SLC9A9: variants seen among roughly 807,000 people sequenced by gnomAD.
The protein encoded by SLC9A9 is sodium/hydrogen exchanger 9.
In SLC9A9, 62 loss-of-function variants were observed where a neutral mutation model predicts 77.8. That is an observed-to-expected ratio of 0.80 (90% confidence interval 0.65 to 0.98). SLC9A9 has a LOEUF of 0.98. Ranked by LOEUF, SLC9A9 falls within the 50% of genes least tolerant of loss-of-function variation. The pLI is 0.00. For synonymous variants in SLC9A9, 320 were observed against 283.5 expected (o/e 1.13, Z -1.29); for missense variants, 775 against 774.9 (o/e 1.00, Z 0.00).
Position 143,675,506 on chromosome 3 carries a change from G to A in SLC9A9, c.649+17686C>T, listed in dbSNP as rs142408960. 3.7e-4 allele frequency among the ~76,000 whole-genome samples: 56 copies of A among 152,278 alleles called. 1 individual carries two copies. Among genetic ancestry groups the A allele is most frequent in the African/African-American group, 1.3e-3 (56 of 41,548 alleles). On this transcript the variant is annotated intron_variant, in intron 5 of 15. Transcript: ENST00000316549. ...TAGTCTCCTTATGAAAGCCAACAACGAGGGCTCAGGGCTTCATCAAGCACT... is the reference window on the plus strand; with the variant it reads ...TAGTCTCCTTATGAAAGCCAACAACAAGGGCTCAGGGCTTCATCAAGCACT...
intron 11 of SLC9A9, among the ~76,000 whole-genome samples, chr3:143,482,380 T>C (rs1248393581): frequency 6.6e-6 from 1 of 152,222 alleles, no homozygotes; most frequent in African/African-American, 2.4e-5. Flanking sequence ...TAAATCCATG[T>C]ACTGTGGTGA....
chr3:143,341,429 C>T (rs1043231057), intron 14 of SLC9A9, among the ~76,000 whole-genome samples: 16 of 152,080 alleles, frequency 1.1e-4, no homozygotes, highest in African/African-American at 3.4e-4. Flanking sequence ...AGGTCATAGT[C>T]ATACAATGTA....
chr3:143,327,338 C>CCT (rs1421568689), intron 14 of SLC9A9, among the ~76,000 whole-genome samples: 1 of 152,130 alleles, frequency 6.6e-6, no homozygotes, highest in Non-Finnish European at 1.5e-5. Context: ...AAGGAACTTT[C>CCT]CTCTTAAATA....
At chr3:143,315,695 C>T (rs2031187183) in intron 14 of SLC9A9, among the ~76,000 whole-genome samples, 1 of 152,228 alleles carries the variant, frequency 6.6e-6, no homozygotes, top group South Asian at 2.1e-4. Flanking sequence ...ATGATACTCA[C>T]TCAGAGGCTG....
intron 14 of SLC9A9, among the ~76,000 whole-genome samples, chr3:143,299,206 A>C (rs571549817): frequency 5.4e-4 from 82 of 152,258 alleles, no homozygotes; most frequent in African/African-American, 1.8e-3. Flanking sequence ...AGAACATTAC[A>C]GCTCTTTCCT....
intron 4 of SLC9A9, among the ~76,000 whole-genome samples, chr3:143,729,504 C>T (rs1934748123): frequency 6.6e-6 from 1 of 152,158 alleles, no homozygotes; most frequent in Non-Finnish European, 1.5e-5. Flanking sequence ...CTGGGCCAGG[C>T]CTCCATGATA....
intron 12 of SLC9A9, among the ~76,000 whole-genome samples, chr3:143,452,790 AG>A (rs2035031126): frequency 6.6e-6 from 1 of 151,950 alleles, no homozygotes; most frequent in African/African-American, 2.4e-5. Flanking sequence ...CCTTATTTCT[AG>A]GTGCAATAAT....
At chr3:143,844,085 A>T (rs2009771447) in intron 1 of SLC9A9, among the ~76,000 whole-genome samples, 1 of 152,124 alleles carries the variant, frequency 6.6e-6, no homozygotes, top group Non-Finnish European at 1.5e-5. Flanking sequence ...TATATAATGG[A>T]TTATTTATAC....
chr3:143,456,016 C>T (rs1346368835), intron 12 of SLC9A9, among the ~76,000 whole-genome samples: 2 of 151,796 alleles, frequency 1.3e-5, no homozygotes, highest in Non-Finnish European at 2.9e-5. Flanking sequence ...TTTGGCTTTT[C>T]ACTATTAAAT....
At chr3:143,321,512 C>T (rs1167412156) in intron 14 of SLC9A9, among the ~76,000 whole-genome samples, 3 of 152,230 alleles carry the variant, frequency 2.0e-5, no homozygotes, top group Admixed American at 2.0e-4. Flanking sequence ...CCCATGAATA[C>T]TACCAGCTCT....
rs1578248014 is a variant in SLC9A9 at position 143,266,443 on chromosome 3, A to C, written c.*259T>G. ...ATCCTCCAGCAGCTAGACTCCTGATACCTCCATCCCCACCCCAGCCAATCC... is the reference window on the plus strand; with the variant it reads ...ATCCTCCAGCAGCTAGACTCCTGATCCCTCCATCCCCACCCCAGCCAATCC... On this transcript the variant is annotated 3_prime_UTR_variant, in exon 16 of 16. Coordinates refer to ENST00000316549, the MANE Select transcript of SLC9A9 (RefSeq NM_173653.4). 1 of 560,586 alleles carries C rather than the reference A, an allele frequency of 1.8e-6. No individual in the cohort carries two copies. The allele number at this position is 560,586 out of a possible 1,614,324, so 34.7% of individuals were successfully genotyped here. A position where few individuals can be genotyped will look rare whatever the true frequency, so the allele number is the denominator to read the frequency against.
At chr3:143,475,381 G>T (rs1005829295) in intron 11 of SLC9A9, among the ~76,000 whole-genome samples, 9 of 152,146 alleles carry the variant, frequency 5.9e-5, no homozygotes, top group African/African-American at 2.2e-4. Flanking sequence ...CCTCTGGTTT[G>T]CTGCCTCTGC....
chr3:143,363,668 C>T (rs2032818416), intron 13 of SLC9A9, 105 bp from the exon 14 acceptor site: 3 of 1,064,906 alleles, frequency 2.8e-6, no homozygotes, highest in Admixed American at 2.2e-5. Context: ...TAAAAAAAAC[C>T]TTTCTAAGTA....
chr3:143,620,568 A>C (rs566829810), intron 6 of SLC9A9: 1 of 152,386 alleles, frequency 6.6e-6, no homozygotes, highest in South Asian at 2.1e-4. Context: ...CAGACTCAGC[A>C]AGAACTCAGA....
At chr3:143,348,241 C>T (rs1045151105) in intron 14 of SLC9A9, among the ~76,000 whole-genome samples, 3 of 152,168 alleles carry the variant, frequency 2.0e-5, no homozygotes, top group South Asian at 2.1e-4. Context: ...GTGATCCACC[C>T]GCCTTGGCCT....
chr3:143,333,174 T>G (rs1424017890), intron 14 of SLC9A9, among the ~76,000 whole-genome samples: 1 of 152,128 alleles, frequency 6.6e-6, no homozygotes, highest in African/African-American at 2.4e-5. Flanking sequence ...ACAATTGTCC[T>G]GCCTATGTGT....
intron 12 of SLC9A9, among the ~76,000 whole-genome samples, chr3:143,390,298 A>G (rs1221656154): frequency 1.3e-5 from 2 of 152,238 alleles, no homozygotes; most frequent in African/African-American, 4.8e-5. Context: ...ACAGCTAAGA[A>G]GAGGCACAGA....
chr3:143,711,903 C>T (rs1486714253), intron 4 of SLC9A9, among the ~76,000 whole-genome samples: 1 of 152,168 alleles, frequency 6.6e-6, no homozygotes, highest in East Asian at 1.9e-4. Context: ...AGGGCTAGAG[C>T]TACATGGGGC....
chr3:143,841,649 C>T (rs1484369058), intron 1 of SLC9A9, among the ~76,000 whole-genome samples: 1 of 152,126 alleles, frequency 6.6e-6, no homozygotes, highest in South Asian at 2.1e-4. Flanking sequence ...GGGAGTCCTT[C>T]GAGGCACCAC....
Sources: allele counts gnomAD v4.1 joint callset (sites outside exome capture counted in the v4.1 genomes callset), GRCh38; gene constraint gnomAD v4.1.1; transcripts MANE v1.5; gene names NCBI Gene and HGNC (gene_info 2026-07-23, HGNC 2026-07-21).